The following FHIT variants were observed in gnomAD, a reference collection of about 807,000 sequenced individuals.
The protein encoded by FHIT is bis(5'-adenosyl)-triphosphatase.
FHIT carries 19 observed loss-of-function variants against 17.9 expected under a neutral mutation model. The observed-to-expected ratio is 1.06, with a 90% confidence interval of 0.74 to 1.56. The LOEUF (loss-of-function observed/expected upper bound fraction) is 1.56, where lower values mean the gene tolerates loss of function less well. Ranked by LOEUF, FHIT falls within the 40% of genes most tolerant of loss-of-function variation. The pLI is 0.00. For synonymous variants in FHIT, 81 were observed against 69.7 expected, an observed-to-expected ratio of 1.16 and a Z score of -0.81; for missense variants, 248 against 189.2, an observed-to-expected ratio of 1.31 and a Z score of -1.82.
chr3:60,449,849 G>A (rs393930), intron 5 of FHIT, among the ~76,000 whole-genome samples: 29,357 of 151,324 alleles, frequency 0.19, 4,334 homozygotes, highest in African/African-American at 0.4. Context: ...CTAAAAATAC[G>A]AAAATTAGCT....
At chr3:60,145,643 G>C (rs1483227341) in intron 5 of FHIT, among the ~76,000 whole-genome samples, 1 of 152,162 alleles carries the variant, frequency 6.6e-6, no homozygotes, top group South Asian at 2.1e-4. Context: ...TAACAAAATA[G>C]ATGGTCCTAG....
At chr3:59,946,066 C>T (rs1219329089) in intron 7 of FHIT, among the ~76,000 whole-genome samples, 1 of 152,096 alleles carries the variant, frequency 6.6e-6, no homozygotes, top group Admixed American at 6.5e-5. Context: ...TGTGAGAAGT[C>T]ACGTTGGTAG....
At chr3:59,758,613 A>G (rs1701341394) in intron 8 of FHIT, among the ~76,000 whole-genome samples, 1 of 152,180 alleles carries the variant, frequency 6.6e-6, no homozygotes, top group South Asian at 2.1e-4. Flanking sequence ...CACCTCTAAG[A>G]GAAAGAGAAG....
chr3:60,822,778 G>T (rs1553739762), intron 3 of FHIT, among the ~76,000 whole-genome samples: 1 of 152,044 alleles, frequency 6.6e-6, no homozygotes, highest in East Asian at 1.9e-4. Flanking sequence ...CACCTTACTT[G>T]CAGGGATAAC....
intron 8 of FHIT, among the ~76,000 whole-genome samples, chr3:59,822,713 T>A (rs887975095): frequency 6.6e-6 from 1 of 152,206 alleles, no homozygotes; most frequent in African/African-American, 2.4e-5. Flanking sequence ...TTTTGTCAGA[T>A]ATATAGATTG....
chr3:60,158,190 T>G (rs1044170853), intron 5 of FHIT, among the ~76,000 whole-genome samples: 5 of 152,150 alleles, frequency 3.3e-5, no homozygotes, highest in Non-Finnish European at 7.3e-5. Flanking sequence ...GAAACTAACC[T>G]GGCACTCATA....
intron 8 of FHIT, among the ~76,000 whole-genome samples, chr3:59,784,703 GCTC>G (rs1180182511): frequency 1.3e-5 from 2 of 152,114 alleles, no homozygotes; most frequent in East Asian, 3.9e-4. Flanking sequence ...TCAGTTCGGT[GCTC>G]CTTTGTCCTT....
At chr3:59,767,082 G>T (rs1701833869) in intron 8 of FHIT, among the ~76,000 whole-genome samples, 1 of 152,128 alleles carries the variant, frequency 6.6e-6, no homozygotes, top group South Asian at 2.1e-4. Context: ...ATTGCAAATG[G>T]CTATTTGGGC....
intron 5 of FHIT, among the ~76,000 whole-genome samples, chr3:60,165,052 A>C (rs766844286): frequency 8.5e-5 from 13 of 152,130 alleles, no homozygotes; most frequent in Non-Finnish European, 1.8e-4. Flanking sequence ...AAACCCAGAC[A>C]TTTTCACAAG....
intron 3 of FHIT, among the ~76,000 whole-genome samples, chr3:60,861,222 T>TATATATCATATC (rs1703839162): frequency 1.3e-5 from 1 of 79,588 alleles, no homozygotes; most frequent in Non-Finnish European, 2.7e-5. Flanking sequence ...ATATATATGA[T>TATATATCATATC]ATATATGATA....
intron 4 of FHIT, among the ~76,000 whole-genome samples, chr3:60,675,560 T>C (rs6798559): frequency 0.92 from 140,433 of 152,160 alleles, 64,862 homozygotes; most frequent in Non-Finnish European, 0.94. Context: ...ATGAGTCTGA[T>C]GCACCAGCTT....
At chr3:60,427,219 C>T (rs1345098393) in intron 5 of FHIT, among the ~76,000 whole-genome samples, 3 of 152,004 alleles carry the variant, frequency 2.0e-5, no homozygotes, top group Admixed American at 6.6e-5. Flanking sequence ...AGCCATGTGG[C>T]GGAGACCTGA....
At chr3:61,008,125 T>C (rs1367809302) in intron 3 of FHIT, among the ~76,000 whole-genome samples, 1 of 152,186 alleles carries the variant, frequency 6.6e-6, no homozygotes. Flanking sequence ...TCTCCAGTTC[T>C]AGGGAATTCA....
intron 4 of FHIT, among the ~76,000 whole-genome samples, chr3:60,698,323 AC>A (rs1553701222): frequency 6.6e-6 from 1 of 152,108 alleles, no homozygotes; most frequent in Admixed American, 6.5e-5. Context: ...GGCTTCTAGA[AC>A]ATAAAAGAGG....
At chr3:60,810,562 T>C (rs1246034287) in intron 4 of FHIT, among the ~76,000 whole-genome samples, 2 of 152,214 alleles carry the variant, frequency 1.3e-5, no homozygotes, top group African/African-American at 2.4e-5. Flanking sequence ...TAGAAAGGTT[T>C]CTTGGGTCTC....
chr3:61,022,781 A>G (rs138010745), intron 3 of FHIT, among the ~76,000 whole-genome samples: 115 of 152,354 alleles, frequency 7.5e-4, no homozygotes, highest in African/African-American at 2.4e-3. Context: ...AAGGCCTTCA[A>G]TAAAATTCAA....
At chr3:60,357,379 G>A (rs1699717622) in intron 5 of FHIT, among the ~76,000 whole-genome samples, 1 of 151,932 alleles carries the variant, frequency 6.6e-6, no homozygotes, top group African/African-American at 2.4e-5. Context: ...GAGTAGCTGG[G>A]ATTACAGGCA....
intron 2 of FHIT, among the ~76,000 whole-genome samples, chr3:61,185,116 T>A (rs2038467041): frequency 6.6e-6 from 1 of 152,208 alleles, no homozygotes; most frequent in African/African-American, 2.4e-5. Flanking sequence ...GCAGGACATT[T>A]TCTAAGTTCT....
At chr3:59,752,183 A>G in intron 9 of FHIT, 38 bp downstream of exon 9, 1 of 1,459,422 alleles carries the variant, frequency 6.9e-7, no homozygotes, top group Non-Finnish European at 9.5e-7. Flanking sequence ...CCTGAGGCCC[A>G]CGGGAGGGTC....
Sources: gnomAD v4.1 joint callset for allele counts (sites outside exome capture counted in the v4.1 genomes callset) on GRCh38, gnomAD v4.1.1 for gene constraint, MANE v1.5 for transcripts, NCBI Gene and HGNC (gene_info 2026-07-23, HGNC 2026-07-21) for gene names.